The following RAB3C variants were observed in gnomAD, a reference collection of about 807,000 sequenced individuals.
RAB3C encodes ras-related protein Rab-3C.
Under a neutral mutation model 26.4 loss-of-function variants are expected in RAB3C, and 17 were observed. The ratio of observed to expected loss-of-function variants is 0.64; its 90% CI spans 0.44 to 0.97. The LOEUF (loss-of-function observed/expected upper bound fraction) is 0.97, where lower values mean the gene tolerates loss of function less well. RAB3C is among the 50% of genes least tolerant of loss of function. RAB3C has a pLI of 0.00. For synonymous variants in RAB3C, 91 were observed against 95.9 expected (o/e 0.95, Z 0.30); for missense variants, 242 against 281.9 (o/e 0.86, Z 1.01).
chr5:58,706,277 T>C (rs1045939551), intron 2 of RAB3C, among the ~76,000 whole-genome samples: 8 of 152,110 alleles, frequency 5.3e-5, no homozygotes, highest in African/African-American at 1.9e-4. Flanking sequence ...AAGTCAGAGT[T>C]TGAGCACCTC....
chr5:58,788,979 G>A (rs1742458847), intron 3 of RAB3C, among the ~76,000 whole-genome samples: 1 of 152,130 alleles, frequency 6.6e-6, no homozygotes, highest in African/African-American at 2.4e-5. Context: ...TAAAAATAGA[G>A]GCTAGCTTTA....
chr5:58,652,604 T>A (rs1378261626), intron 2 of RAB3C, among the ~76,000 whole-genome samples: 2 of 151,914 alleles, frequency 1.3e-5, no homozygotes, highest in Non-Finnish European at 2.9e-5. Flanking sequence ...CAGTTAATTA[T>A]ACATTGCAAC....
chr5:58,600,382 G>A (rs766979828), intron 1 of RAB3C, among the ~76,000 whole-genome samples: 16 of 151,966 alleles, frequency 1.1e-4, no homozygotes, highest in Admixed American at 3.3e-4. Context: ...GAAGAATAAT[G>A]GTGATATTTT....
At chr5:58,597,792 A>ACGT (rs145083646) in intron 1 of RAB3C, among the ~76,000 whole-genome samples, 1 of 19,084 alleles carries the variant, frequency 5.2e-5, no homozygotes, top group African/African-American at 1.7e-4. Context: ...ATATAAGTAT[A>ACGT]TAACATGTAA....
intron 3 of RAB3C, among the ~76,000 whole-genome samples, chr5:58,801,340 A>G (rs1249948522): frequency 1.3e-5 from 2 of 152,204 alleles, no homozygotes; most frequent in Non-Finnish European, 2.9e-5. Context: ...GTATTTCATC[A>G]TAGTGTAATC....
intron 3 of RAB3C, among the ~76,000 whole-genome samples, chr5:58,769,223 G>A (rs1741975423): frequency 6.6e-6 from 1 of 152,174 alleles, no homozygotes; most frequent in African/African-American, 2.4e-5. Context: ...AGTGTGCAGG[G>A]TATATCCTGG....
intron 3 of RAB3C, among the ~76,000 whole-genome samples, chr5:58,732,021 C>T (rs992080766): frequency 2.0e-5 from 3 of 151,640 alleles, no homozygotes; most frequent in South Asian, 4.2e-4. Context: ...CAGGTGAGTC[C>T]AGGAAGATCT....
At chr5:58,788,442 C>G (rs1008541704) in intron 3 of RAB3C, 3 of 152,148 alleles carry the variant, frequency 2.0e-5, no homozygotes, top group Non-Finnish European at 4.4e-5. Context: ...TATTTTGAGA[C>G]TTTTTTATGT....
intron 1 of RAB3C, 190 bp downstream of exon 1, chr5:58,583,422 T>G (rs1321452826): frequency 1.2e-6 from 1 of 814,150 alleles, no homozygotes; most frequent in Non-Finnish European, 1.5e-6. Context: ...GGGGCTGTCT[T>G]GATGAGGGAT....
At chr5:58,695,745 A>G (rs1748684079) in intron 2 of RAB3C, among the ~76,000 whole-genome samples, 1 of 152,076 alleles carries the variant, frequency 6.6e-6, no homozygotes, top group Admixed American at 6.6e-5. Flanking sequence ...GGTGTATAGG[A>G]ATGCTTGTGT....
chr5:58,695,369 TTTG>T (rs1259947266), intron 2 of RAB3C, among the ~76,000 whole-genome samples: 1 of 152,206 alleles, frequency 6.6e-6, no homozygotes, highest in East Asian at 1.9e-4. Context: ...TGCCTCCAGC[TTTG>T]TTCTTTTTGC....
chr5:58,777,548 T>A (rs928699583), intron 3 of RAB3C, among the ~76,000 whole-genome samples: 2 of 152,050 alleles, frequency 1.3e-5, no homozygotes, highest in African/African-American at 4.8e-5. Flanking sequence ...ATTTTATATG[T>A]CTATATCTCC....
chr5:58,744,966 A>T (rs1254804621), intron 3 of RAB3C, among the ~76,000 whole-genome samples: 9 of 152,060 alleles, frequency 5.9e-5, no homozygotes, highest in Non-Finnish European at 1.2e-4. Flanking sequence ...ATTATTGGGG[A>T]ATCAACCTTT....
chr5:58,621,256 G>A (rs980888101), intron 2 of RAB3C, among the ~76,000 whole-genome samples: 9 of 152,272 alleles, frequency 5.9e-5, no homozygotes, highest in African/African-American at 2.2e-4. Flanking sequence ...TCTCTACCAA[G>A]ACAGGTTTCA....
chr5:58,707,095 G>A (rs1291091921), intron 2 of RAB3C, among the ~76,000 whole-genome samples: 3 of 152,116 alleles, frequency 2.0e-5, no homozygotes, highest in South Asian at 2.1e-4. Context: ...AAATTGGAAG[G>A]CCATAGCAGT....
intron 3 of RAB3C, among the ~76,000 whole-genome samples, chr5:58,747,845 G>T (rs1248967751): frequency 6.6e-6 from 1 of 151,786 alleles, no homozygotes; most frequent in Non-Finnish European, 1.5e-5. Flanking sequence ...AAAATACCTG[G>T]GGTTTAAATG....
intron 3 of RAB3C, among the ~76,000 whole-genome samples, chr5:58,763,317 C>T (rs913450632): frequency 1.3e-5 from 2 of 152,152 alleles, no homozygotes; most frequent in East Asian, 3.8e-4. Context: ...TAATCATGGG[C>T]AGGTCAGAGA....
chr5:58,733,272 G>C (rs1186734753), intron 3 of RAB3C, among the ~76,000 whole-genome samples: 2 of 152,116 alleles, frequency 1.3e-5, no homozygotes, highest in Non-Finnish European at 2.9e-5. Context: ...TGGAATGAGT[G>C]AGTAAAATTA....
intron 2 of RAB3C, among the ~76,000 whole-genome samples, chr5:58,643,459 C>CT (rs969990177): frequency 5.3e-5 from 8 of 151,740 alleles, no homozygotes; most frequent in East Asian, 1.9e-4. Context: ...TAAACTATAA[C>CT]TTTTTTTTTC....
Sources: allele counts gnomAD v4.1 joint callset (sites outside exome capture counted in the v4.1 genomes callset), GRCh38; gene constraint gnomAD v4.1.1; transcripts MANE v1.5; gene names NCBI Gene and HGNC (gene_info 2026-07-23, HGNC 2026-07-21).